Variants in CUL9 observed in about 807,000 individuals in gnomAD.
CUL9 encodes cullin-9.
Under a neutral mutation model 272.6 loss-of-function variants are expected in CUL9, and 79 were observed. The observed-to-expected ratio is 0.29, with a 90% CI of 0.24 to 0.35. The LOEUF (loss-of-function observed/expected upper bound fraction) is 0.35. Among genes scored for constraint, CUL9 ranks in the 10% least tolerant of loss-of-function variants. The pLI is 1.00. For missense variants in CUL9, 2,532 were observed against 3,255.6 expected (o/e 0.78, Z 5.41); for synonymous variants, 1,186 against 1,286.5 (o/e 0.92, Z 1.67).
intron 12 of CUL9, 75 bp downstream of exon 12, chr6:43,198,930 T>C (rs1246590762): frequency 1.3e-6 from 2 of 1,527,442 alleles, no homozygotes; most frequent in Non-Finnish European, 1.7e-6. Flanking sequence ...CTTGTTTCTT[T>C]TCTGTTTTCT....
Position 43,224,067 on chromosome 6 carries a change from T to C in CUL9, c.7285-28T>C. 6.2e-7 allele frequency: 1 copy of C among 1,612,106 alleles called. No homozygotes were observed. Reference sequence around the variant, plus strand: ...CAAAGGCCCCATGCCCTCTACCTCCTTCTCAAATCCTTCTGTCTGCTCACC... The same window carrying C: ...CAAAGGCCCCATGCCCTCTACCTCCCTCTCAAATCCTTCTGTCTGCTCACC... On this transcript the variant is annotated intron_variant, in intron 39 of 40. Coordinates refer to ENST00000252050, the MANE Select transcript of CUL9 (RefSeq NM_015089.4). The surrounding 1 kb of genome is among the most constrained non-coding windows in gnomAD (Gnocchi z 4.2).
chr6:43,213,807 A>C lies in CUL9; in HGVS notation c.5583A>C (p.Glu1861Asp). ...CATACCTGAACGTAGAGAAGGATGA[A>C]GGCCGAACCCTGGAACAGAAGAGGA... ...PQAYLNVEKDEGRTLEQKRNL... is the reference protein window; with the variant it reads ...PQAYLNVEKDDGRTLEQKRNL... The change falls in exon 29 of 41, where the codon GAA (glutamate) becomes GAC (aspartate). Residue 1861 changes from glutamate to aspartate, a missense_variant. By Grantham distance (45) the Glu-to-Asp change is conservative (BLOSUM62 2). This residue lies in a region of CUL9 where 2,218 missense variants were observed against 2,788.6 expected (regional missense o/e 0.80). Coordinates refer to ENST00000252050, the MANE Select transcript of CUL9 (RefSeq NM_015089.4). This position sits in a 1 kb window ranked among gnomAD's most constrained non-coding sequence, Gnocchi z 5.7. 6.2e-7 allele frequency: 1 copy of C among 1,614,212 alleles called. No individual in the cohort carries two copies. The highest frequency in any genetic ancestry group is 1.1e-5 in the South Asian group (1 of 91,086).
chr6:43,203,708 G>T lies in CUL9; in HGVS notation c.4025+116G>T. 1 of 1,487,440 alleles carries T rather than the reference G, an allele frequency of 6.7e-7. No homozygotes were observed. The highest frequency in any genetic ancestry group is 9.1e-7 in the Non-Finnish European group (1 of 1,101,304). 92.1% of individuals were successfully genotyped at this position (1,487,440 alleles called of 1,614,324 possible). On this transcript the variant is annotated intron_variant, in intron 19 of 40. Coordinates refer to ENST00000252050, the MANE Select transcript of CUL9 (RefSeq NM_015089.4). The surrounding 1 kb of genome is among the most constrained non-coding windows in gnomAD (Gnocchi z 5.0). Reference sequence around the variant, plus strand: ...GCTGCAGCCAGGACATGAGGGGGAAGGTGAACGTAGGTGAGAAGTTTGTGT... The same window carrying T: ...GCTGCAGCCAGGACATGAGGGGGAATGTGAACGTAGGTGAGAAGTTTGTGT...
chr6:43,207,418 C>T (rs186219011), intron 26 of CUL9, among the ~76,000 whole-genome samples: 151 of 152,254 alleles, frequency 9.9e-4, no homozygotes, highest in Middle Eastern at 3.4e-3. Flanking sequence ...ATGTCTTTCA[C>T]GAAACATACT....
At chr6:43,214,249 G>A (rs60068906) in intron 29 of CUL9, among the ~76,000 whole-genome samples, 2,620 of 151,506 alleles carry the variant, frequency 0.017, 67 homozygotes, top group African/African-American at 0.059. Context: ...GCGAAACCCT[G>A]TGTCTACCAA....
chr6:43,213,973 T>C lies in CUL9; in HGVS notation c.5688+61T>C, dbSNP rs1410941744. ...AGGGAGTCATGCTTGGGATTGGGGATGAACACAGTGAACTCTTTCAATATA... is the reference window on the plus strand; with the variant it reads ...AGGGAGTCATGCTTGGGATTGGGGACGAACACAGTGAACTCTTTCAATATA... On this transcript the variant is annotated intron_variant, in intron 29 of 40. Coordinates refer to ENST00000252050, the MANE Select transcript of CUL9 (RefSeq NM_015089.4). The surrounding 1 kb of genome is among the most constrained non-coding windows in gnomAD (Gnocchi z 5.7). 7.3e-6 allele frequency: 11 copies of C among 1,506,770 alleles called. No homozygotes were observed. The highest frequency in any genetic ancestry group is 1.7e-5 in the Admixed American group (1 of 59,294). 93.3% of individuals were successfully genotyped at this position (1,506,770 alleles called of 1,614,324 possible). A position where few individuals can be genotyped will look rare whatever the true frequency, so the allele number is the denominator to read the frequency against.
rs1772741063 is a variant in CUL9 at position 43,184,551 on chromosome 6, G to C, written c.241G>C (p.Gly81Arg). Residue 81 changes from glycine (G) to arginine (R), a missense_variant, in exon 2 of 41, where the codon GGT becomes CGT. Coordinates refer to ENST00000252050, the MANE Select transcript of CUL9 (RefSeq NM_015089.4). The surrounding 1 kb of genome is among the most constrained non-coding windows in gnomAD (Gnocchi z 4.8). The part of the protein sequence containing the change: ...EVYANCPGLL[G>R]ERALSKGLQH... ...CTACGCCAACTGCCCTGGGCTGTTAGGTGAGCGGGCACTATCTAAGGGACT... is the reference window on the plus strand; with the variant it reads ...CTACGCCAACTGCCCTGGGCTGTTACGTGAGCGGGCACTATCTAAGGGACT... 3 of 1,612,984 alleles carry C rather than the reference G, an allele frequency of 1.9e-6. No homozygotes were observed. The highest frequency in any genetic ancestry group is 2.5e-6 in the Non-Finnish European group (3 of 1,179,208).
chr6:43,193,020 C>T lies in CUL9; in HGVS notation c.2200C>T (p.Leu734=). The T allele has an allele frequency of 6.2e-7, 1 of 1,614,030 alleles. No homozygotes were observed. Among genetic ancestry groups the T allele is most frequent in the Non-Finnish European group, 8.5e-7 (1 of 1,179,948 alleles). Residue 734 remains leucine (L), a synonymous_variant, in exon 9 of 41, where the codon CTG becomes TTG. Coordinates refer to ENST00000252050, the MANE Select transcript of CUL9 (RefSeq NM_015089.4). ...RSLREKLVKM[L]VELLTNQVGE... ...TGTCAGAGAGAAGCTAGTGAAGATG[C>T]TGGTGGAGCTGCTGACCAACCAGGT...
chr6:43,216,557 A>G, intron 31 of CUL9, 54 bp downstream of exon 31: 1 of 1,485,408 alleles, frequency 6.7e-7, no homozygotes. Flanking sequence ...TACCCTAACA[A>G]AATTCCTTGG....
rs756676396 is a variant in CUL9 at position 43,196,162 on chromosome 6, A to G, written c.2482A>G (p.Thr828Ala). The G allele has an allele frequency of 6.2e-7, 1 of 1,614,130 alleles. No homozygotes were observed. The highest frequency in any genetic ancestry group is 8.5e-7 in the Non-Finnish European group (1 of 1,180,036). The change falls in exon 10 of 41, where the codon ACC becomes GCC. Residue 828 changes from threonine to alanine, a missense_variant. Around this residue, in one of 3 missense-constraint regions of CUL9, gnomAD observed 2,218 missense variants for 2,788.6 expected, o/e 0.80. Coordinates refer to ENST00000252050, the MANE Select transcript of CUL9 (RefSeq NM_015089.4). The part of the protein sequence containing the change: ...SIHSLFDAQM[T>A]REIFASIDSA... ...CCACTCTTTGTTTGATGCTCAGATG[A>G]CCAGAGAGATCTTCGCCAGCATCGA...
rs762629943 is a variant in CUL9, at chr6:43,224,434, G to A, written c.7543G>A (p.Ala2515Thr). The A allele has an allele frequency of 5.4e-5, 87 of 1,613,408 alleles. No homozygotes were observed. Among genetic ancestry groups the A allele is most frequent in the Non-Finnish European group, 7.2e-5 (85 of 1,179,786 alleles). Residue 2515 changes from alanine to threonine, a missense_variant, in exon 41 of 41, where the codon GCC (alanine) becomes ACC (threonine). Coordinates refer to ENST00000252050, the MANE Select transcript of CUL9 (RefSeq NM_015089.4). This position sits in a 1 kb window ranked among gnomAD's most constrained non-coding sequence, Gnocchi z 4.2. ...TGATGAGGAAGAGGATGAAGATGAG[G>A]CCTATGACTGAGGGGGCAGATGCAG... ...FGDEEEDEDE[A>T]YD
intron 8 of CUL9, among the ~76,000 whole-genome samples, chr6:43,191,249 G>C (rs1773434041): frequency 8.9e-6 from 1 of 112,156 alleles, no homozygotes; most frequent in Admixed American, 8.5e-5. Flanking sequence ...TCTCTAAATT[G>C]CATTGTGTGT....
chr6:43,200,749 C>T lies in CUL9; in HGVS notation c.3562C>T (p.His1188Tyr). 6.2e-7 allele frequency: 1 copy of T among 1,614,216 alleles called. No homozygotes were observed. The highest frequency in any genetic ancestry group is 8.5e-7 in the Non-Finnish European group (1 of 1,180,044). The change falls in exon 16 of 41, where the codon CAC (histidine) becomes TAC (tyrosine). Residue 1188 changes from histidine to tyrosine, a missense_variant. Physicochemically the swap from His to Tyr is moderately conservative, Grantham distance 83. Transcript: ENST00000252050. The surrounding 1 kb of genome is among the most constrained non-coding windows in gnomAD (Gnocchi z 4.0). ...NPHRASKLTD[H>Y]NPKTYWESNG... Reference sequence around the variant, plus strand: ...GCACCGAGCCAGCAAGCTGACGGACCACAACCCCAAGACCTACTGGGAGTC... The same window carrying T: ...GCACCGAGCCAGCAAGCTGACGGACTACAACCCCAAGACCTACTGGGAGTC...
chr6:43,222,583 C>T lies in CUL9; in HGVS notation c.6974C>T (p.Pro2325Leu), dbSNP rs111841139. The T allele has an allele frequency of 2.4e-5, 39 of 1,613,424 alleles. No individual in the cohort carries two copies. Among genetic ancestry groups the T allele is most frequent in the African/African-American group, 5.3e-5 (4 of 74,914 alleles). ...GTGTCTGCCATCCATGAAGTGCCCC[C>T]GCCCAGATCCTTCACCTTCCTCAAT... ...NRVSAIHEVP[P>L]PRSFTFLNDA... Residue 2325 changes from proline (P) to leucine (L), a missense_variant, in exon 37 of 41, where the codon CCG becomes CTG. By Grantham distance (98) the Pro-to-Leu change is moderately conservative. Around this residue, in one of 3 missense-constraint regions of CUL9, gnomAD observed 237 missense variants for 305.9 expected, o/e 0.77. Transcript: ENST00000252050.
Position 43,200,639 on chromosome 6 carries a change from C to T in CUL9, c.3476-24C>T. The T allele has an allele frequency of 6.2e-7, 1 of 1,614,064 alleles. No individual in the cohort carries two copies. Among genetic ancestry groups the T allele is most frequent in the Non-Finnish European group, 8.5e-7 (1 of 1,179,956 alleles). ...CTCTCAACTAACCTAGCTGTGACTG[C>T]CACCCCTTCCCACTTGCCCCCAGGC... On this transcript the variant is annotated intron_variant, in intron 15 of 40. Coordinates refer to ENST00000252050, the MANE Select transcript of CUL9 (RefSeq NM_015089.4). The surrounding 1 kb of genome is among the most constrained non-coding windows in gnomAD (Gnocchi z 4.0).
chr6:43,223,380 C>G lies in CUL9; in HGVS notation c.7267C>G (p.Leu2423Val). The G allele has an allele frequency of 6.3e-7, 1 of 1,598,846 alleles. No homozygotes were observed. The highest frequency in any genetic ancestry group is 8.5e-7 in the Non-Finnish European group (1 of 1,172,396). Reference sequence around the variant, plus strand: ...GATCCAGGAGAGGCTGCTTGCCATCCTGCAGCATTCTGCCCAGGTACTGCC... The same window carrying G: ...GATCCAGGAGAGGCTGCTTGCCATCGTGCAGCATTCTGCCCAGGTACTGCC... ...RRIQERLLAILQHSAQDFRVG... is the reference protein window; with the variant it reads ...RRIQERLLAIVQHSAQDFRVG... Residue 2423 changes from leucine (L) to valine (V), a missense_variant, in exon 39 of 41, where the codon CTG (leucine) becomes GTG (valine). Transcript: ENST00000252050. The surrounding 1 kb of genome is among the most constrained non-coding windows in gnomAD (Gnocchi z 4.1).
At chr6:43,204,042 G>A in intron 20 of CUL9, 55 bp downstream of exon 20, 3 of 1,532,812 alleles carry the variant, frequency 2.0e-6, no homozygotes, top group South Asian at 2.5e-5. Context: ...TATTCCCAGG[G>A]ATCACCTGAG....
rs1031768901 is a variant in CUL9 at position 43,218,964 on chromosome 6, C to T, written c.6283-1495C>T. 1.3e-5 allele frequency among the ~76,000 whole-genome samples: 2 copies of T among 151,988 alleles called. No homozygotes were observed. Among genetic ancestry groups the T allele is most frequent in the Admixed American group, 6.6e-5 (1 of 15,254 alleles). On this transcript the variant is annotated intron_variant, in intron 31 of 40. Coordinates refer to ENST00000252050, the MANE Select transcript of CUL9 (RefSeq NM_015089.4). The surrounding 1 kb of genome is among the most constrained non-coding windows in gnomAD (Gnocchi z 4.4). Reference sequence around the variant, plus strand: ...AACCAAGCCTGTAAAGATACAGAGACGGGGGGTCTCAGGAGTTTGAGACCA... The same window carrying T: ...AACCAAGCCTGTAAAGATACAGAGATGGGGGGTCTCAGGAGTTTGAGACCA...
chr6:43,185,270 G>C (rs181388407), intron 2 of CUL9, among the ~76,000 whole-genome samples, 186 bp from the exon 3 acceptor site: 2 of 152,128 alleles, frequency 1.3e-5, no homozygotes, highest in South Asian at 4.1e-4. Flanking sequence ...AAATTTTGTA[G>C]CATAAAATAT....
Sources: allele counts gnomAD v4.1 joint callset (sites outside exome capture counted in the v4.1 genomes callset), GRCh38; gene constraint gnomAD v4.1.1; regional missense constraint gnomAD v4.1.1; non-coding constraint Gnocchi (gnomAD v3.1); transcripts MANE v1.5; gene names NCBI Gene and HGNC (gene_info 2026-07-23, HGNC 2026-07-21).